The following ZBBX variants were observed in gnomAD, a reference collection of about 807,000 sequenced individuals.
ZBBX encodes zinc finger B-box domain-containing protein 1.
ZBBX carries 101 observed loss-of-function variants against 108.5 expected under a neutral mutation model. The ratio of observed to expected loss-of-function variants is 0.93; its 90% CI spans 0.79 to 1.10. The LOEUF (loss-of-function observed/expected upper bound fraction) is 1.10. Among genes scored for constraint, ZBBX ranks in the 50% least tolerant of loss-of-function variants. The pLI is 0.00. For missense variants in ZBBX, 1,009 were observed against 941.4 expected, an observed-to-expected ratio of 1.07 and a Z score of -0.94; for synonymous variants, 356 against 323.4, an observed-to-expected ratio of 1.10 and a Z score of -1.08.
chr3:167,208,274 T>C, the ZBBX span, among the ~76,000 whole-genome samples: 1 of 152,188 alleles, frequency 6.6e-6, no homozygotes, highest in Non-Finnish European at 1.5e-5. Context: ...CCTGGTGCTG[T>C]GTTAAGCTCA....
Position 167,359,967 on chromosome 3 carries a change from G to A in ZBBX, c.335C>T (p.Pro112Leu). Reference sequence around the variant, plus strand: ...ATTTGCCATTTTATAATTAACTGTTGGTTTCACTGGCTCTGCAAGATAAAA... The same window carrying A: ...ATTTGCCATTTTATAATTAACTGTTAGTTTCACTGGCTCTGCAAGATAAAA... The part of the protein sequence containing the change: ...LKEQIQEPVK[P>L]TVNYKMANSS... Residue 112 changes from proline to leucine, a missense_variant, in exon 8 of 22, where the codon CCA becomes CTA. Pro to Leu is a moderately conservative substitution (Grantham distance 98). Coordinates refer to ENST00000675490, the MANE Select transcript of ZBBX (RefSeq NM_001199201.2). 6.3e-7 allele frequency: 1 copy of A among 1,577,992 alleles called. No individual in the cohort carries two copies. Among genetic ancestry groups the A allele is most frequent in the East Asian group, 2.3e-5 (1 of 43,580 alleles).
At chr3:167,390,708 C>A (rs1449699046) in intron 1 of ZBBX, among the ~76,000 whole-genome samples, 1 of 152,024 alleles carries the variant, frequency 6.6e-6, no homozygotes, top group Non-Finnish European at 1.5e-5. Context: ...TCCTTCACAT[C>A]CCCTGTAAGT....
chr3:167,288,036 T>A lies in ZBBX; in HGVS notation c.1996+831A>T, dbSNP rs192977298. Among the ~76,000 whole-genome samples, 164 of 152,232 alleles carry A rather than the reference T, an allele frequency of 1.1e-3. 1 individual carries two copies. Among genetic ancestry groups the A allele is most frequent in the African/African-American group, 3.8e-3 (157 of 41,574 alleles). On this transcript the variant is annotated intron_variant, in intron 19 of 21. Transcript: ENST00000675490. ...AGCCCCCTTTCTCAGGTATTCCTCC[T>A]AAACTGTGAGCTCAATAAGATCAGG...
intron 9 of ZBBX, among the ~76,000 whole-genome samples, chr3:167,338,242 G>T (rs1369727228): frequency 6.6e-6 from 1 of 152,058 alleles, no homozygotes; most frequent in Non-Finnish European, 1.5e-5. Flanking sequence ...TTTCTGCCTA[G>T]AATGATATTA....
intron 20 of ZBBX, 116 bp from the exon 21 acceptor site, chr3:167,242,759 T>C (rs953785865): frequency 1.1e-5 from 10 of 947,072 alleles, no homozygotes; most frequent in South Asian, 2.7e-5. Context: ...AAGGTCAGCA[T>C]AGATTTTTAA....
chr3:167,398,179 G>A (rs1352814994), intron 1 of ZBBX, among the ~76,000 whole-genome samples: 1 of 151,968 alleles, frequency 6.6e-6, no homozygotes, highest in Non-Finnish European at 1.5e-5. Context: ...TGATTTGTGG[G>A]CTCTCAAATT....
At chr3:167,372,442 A>G (rs1350025836) in intron 4 of ZBBX, among the ~76,000 whole-genome samples, 1 of 152,198 alleles carries the variant, frequency 6.6e-6, no homozygotes, top group East Asian at 1.9e-4. Context: ...GGTCAATTCA[A>G]CATAACATCC....
rs1746525448 is a variant in ZBBX at position 167,373,792 on chromosome 3, C to G, written c.-131-5G>C. ...GAAGATGAAGAGGAGTTGGTCCTGT[C>G]TCAGGAGTGGCAGAGATGGAAGTGG... On this transcript the variant is annotated splice_polypyrimidine_tract_variant and splice_region_variant and intron_variant, in intron 2 of 21. Transcript: ENST00000675490. 6.6e-6 allele frequency: 1 copy of G among 152,094 alleles called. No individual in the cohort carries two copies. Among genetic ancestry groups the G allele is most frequent in the African/African-American group, 2.4e-5 (1 of 41,406 alleles). 9.4% of individuals were successfully genotyped at this position (152,094 alleles called of 1,614,324 possible).
intron 20 of ZBBX, among the ~76,000 whole-genome samples, chr3:167,278,013 G>A (rs1424604429): frequency 7.6e-5 from 11 of 144,702 alleles, no homozygotes; most frequent in African/African-American, 2.3e-4. Context: ...GGTACATAAC[G>A]AAATGAAGGC....
the ZBBX span, among the ~76,000 whole-genome samples, chr3:167,197,430 C>T: frequency 6.6e-6 from 1 of 151,880 alleles, no homozygotes; most frequent in South Asian, 2.1e-4. Context: ...CCCAGCTACT[C>T]AGGAGGCTGA....
chr3:167,227,030 A>G, the ZBBX span, among the ~76,000 whole-genome samples: 2 of 151,794 alleles, frequency 1.3e-5, no homozygotes, highest in Non-Finnish European at 2.9e-5. Context: ...AGATGTTTAC[A>G]ATTTTAACAT....
intron 1 of ZBBX, among the ~76,000 whole-genome samples, chr3:167,386,237 T>G (rs914951831): frequency 2.0e-5 from 3 of 151,908 alleles, no homozygotes; most frequent in African/African-American, 7.2e-5. Flanking sequence ...TTCTGGAAAT[T>G]TTCCCCTTCC....
At chr3:167,291,377 G>A (rs372303675) in intron 18 of ZBBX, among the ~76,000 whole-genome samples, 30 of 152,002 alleles carry the variant, frequency 2.0e-4, no homozygotes, top group East Asian at 1.4e-3. Context: ...TACCCTACAA[G>A]CAGAAGAGAG....
intron 2 of ZBBX, among the ~76,000 whole-genome samples, chr3:167,376,303 C>G (rs761068709): frequency 6.6e-6 from 1 of 152,104 alleles, no homozygotes; most frequent in Non-Finnish European, 1.5e-5. Flanking sequence ...ACCAAAGGCA[C>G]CTTTCAAAAA....
chr3:167,211,097 C>T, the ZBBX span, among the ~76,000 whole-genome samples: 4 of 152,024 alleles, frequency 2.6e-5, no homozygotes, highest in East Asian at 3.9e-4. Context: ...TGGAATTAAC[C>T]GAGGAAACAA....
intron 8 of ZBBX, among the ~76,000 whole-genome samples, chr3:167,357,131 C>G (rs1743710225): frequency 6.6e-6 from 1 of 152,032 alleles, no homozygotes; most frequent in South Asian, 2.1e-4. Context: ...TTAAAGCCAA[C>G]AGAGGGGTTG....
At chr3:167,250,839 A>C (rs1722466906) in intron 20 of ZBBX, among the ~76,000 whole-genome samples, 1 of 151,852 alleles carries the variant, frequency 6.6e-6, no homozygotes, top group South Asian at 2.1e-4. Flanking sequence ...GACAACAGGC[A>C]CTCCTGCTTT....
chr3:167,225,238 T>A, the ZBBX span, among the ~76,000 whole-genome samples: 1 of 152,022 alleles, frequency 6.6e-6, no homozygotes, highest in Non-Finnish European at 1.5e-5. Flanking sequence ...TTACTGCTGC[T>A]GCCATGAGTT....
At chr3:167,235,228 C>T (rs540168189), downstream of ZBBX, among the ~76,000 whole-genome samples, 1 of 151,730 alleles carries the variant, frequency 6.6e-6, no homozygotes, top group Admixed American at 6.6e-5. Flanking sequence ...AGAAAGTAAA[C>T]ATGATAAATA....
Sources: allele counts gnomAD v4.1 joint callset (sites outside exome capture counted in the v4.1 genomes callset), GRCh38; gene constraint gnomAD v4.1.1; transcripts MANE v1.5; gene names NCBI Gene and HGNC (gene_info 2026-07-23, HGNC 2026-07-21).